The following LRRC52 variants were observed in gnomAD, a reference collection of about 807,000 sequenced individuals.
The protein encoded by LRRC52 is leucine rich repeat containing 52, also known as leucine-rich repeat-containing protein 52.
A neutral mutation model predicts 14.7 loss-of-function variants in LRRC52; 15 were observed. The ratio of observed to expected loss-of-function variants is 1.02; its 90% CI spans 0.68 to 1.58. The LOEUF (loss-of-function observed/expected upper bound fraction) is 1.58. Ranked by LOEUF, LRRC52 falls within the 40% of genes most tolerant of loss-of-function variation. The probability of loss-of-function intolerance (pLI) is 0.00; values close to 1 mark genes in which losing one functional copy is unlikely to be tolerated. For missense variants in LRRC52, 400 were observed against 387.7 expected (o/e 1.03, Z -0.27); for synonymous variants, 180 against 163.9 (o/e 1.10, Z -0.75).
In LRRC52 at chr1:165,562,399, C is replaced by G. The variant is rs186582497; in HGVS notation, c.623-1106C>G. 1.0e-3 allele frequency among the ~76,000 whole-genome samples: 159 copies of G among 152,170 alleles called. 1 individual carries two copies. The highest frequency in any genetic ancestry group is 1.2e-3 in the Non-Finnish European group (79 of 68,016). ...TGTGTGCTGGATACATTCACCTGAG[C>G]ACATCACACAAGCACTCAGCCTCAG... On this transcript the variant is annotated intron_variant, in intron 1 of 1. Coordinates refer to ENST00000294818, the MANE Select transcript of LRRC52 (RefSeq NM_001005214.4).
chr1:165,546,112 C>G (rs1312106247), intron 1 of LRRC52, among the ~76,000 whole-genome samples: 1 of 152,084 alleles, frequency 6.6e-6, no homozygotes, highest in Non-Finnish European at 1.5e-5. Flanking sequence ...ACGTGCCCTC[C>G]TGGCTTCCCA....
intron 1 of LRRC52, among the ~76,000 whole-genome samples, chr1:165,554,397 T>A (rs904996661): frequency 3.3e-5 from 5 of 151,646 alleles, no homozygotes; most frequent in African/African-American, 1.2e-4. Context: ...ACACCTAATC[T>A]GCTGCATGAC....
Position 165,544,332 on chromosome 1 carries a change from A to T in LRRC52, c.36A>T (p.Leu12Phe). 1.9e-6 allele frequency: 3 copies of T among 1,610,786 alleles called. No homozygotes were observed. The highest frequency in any genetic ancestry group is 2.5e-6 in the Non-Finnish European group (3 of 1,179,200). The change falls in exon 1 of 2, where the codon TTA becomes TTT. Residue 12 changes from leucine to phenylalanine, a missense_variant. Coordinates refer to ENST00000294818, the MANE Select transcript of LRRC52 (RefSeq NM_001005214.4). ...CTTCAGGCCCTGGCCCTGGGTGGTT[A>T]CTCTTTTCCTTTGGAATGGGGCTGG... is the stretch of plus-strand genomic sequence containing the variant. Reference protein sequence around the residue: ...SLASGPGPGWLLFSFGMGLVS... With the variant: ...SLASGPGPGWFLFSFGMGLVS...
intron 1 of LRRC52, among the ~76,000 whole-genome samples, chr1:165,561,676 T>C (rs722259): frequency 0.48 from 72,898 of 152,198 alleles, 20,608 homozygotes; most frequent in East Asian, 0.71. Context: ...TCCCTTCCTC[T>C]GTAATCATTA....
Position 165,563,574 on chromosome 1 carries a change from C to T in LRRC52, c.692C>T (p.Pro231Leu). 2 of 1,614,218 alleles carry T rather than the reference C, an allele frequency of 1.2e-6. No individual in the cohort carries two copies. Among genetic ancestry groups the T allele is most frequent in the Non-Finnish European group, 1.7e-6 (2 of 1,180,034 alleles). The change falls in exon 2 of 2, where the codon CCA becomes CTA. Residue 231 changes from proline (P) to leucine (L), a missense_variant. Transcript: ENST00000294818. ...TGGCCCATCACCCGGGTGGGGAACCCACTCCGATACATGTGCATCACGCAC... is the reference window on the plus strand; with the variant it reads ...TGGCCCATCACCCGGGTGGGGAACCTACTCCGATACATGTGCATCACGCAC... ...TGWPITRVGNPLRYMCITHLD... is the reference protein window; with the variant it reads ...TGWPITRVGNLLRYMCITHLD...
intron 1 of LRRC52, among the ~76,000 whole-genome samples, chr1:165,547,756 T>C (rs571000822): frequency 2.2e-4 from 34 of 152,314 alleles, no homozygotes; most frequent in Middle Eastern, 3.4e-3. Context: ...CATCCACATA[T>C]TACATACACA....
At chr1:165,557,995 A>G (rs1661272509) in intron 1 of LRRC52, among the ~76,000 whole-genome samples, 1 of 152,204 alleles carries the variant, frequency 6.6e-6, no homozygotes, top group Non-Finnish European at 1.5e-5. Flanking sequence ...CCTGGGCAGA[A>G]CTGGGGTCCC....
chr1:165,563,389 C>G (rs1052160177), intron 1 of LRRC52, 116 bp from the exon 2 acceptor site: 2 of 879,948 alleles, frequency 2.3e-6, no homozygotes, highest in African/African-American at 3.4e-5. Context: ...GCTGCTGGCC[C>G]ACAGACCACA....
At chr1:165,563,381 T>C (rs1287628284) in intron 1 of LRRC52, 124 bp from the exon 2 acceptor site, 2 of 785,762 alleles carry the variant, frequency 2.5e-6, no homozygotes, top group African/African-American at 3.5e-5. Flanking sequence ...ATGTCGATGC[T>C]GCTGGCCCAC....
Position 165,563,613 on chromosome 1 carries a change from A to T in LRRC52, c.731A>T (p.Asp244Val). Residue 244 changes from aspartate (D) to valine (V), a missense_variant, in exon 2 of 2, where the codon GAC becomes GTC. Asp to Val is a radical substitution (Grantham distance 152). Coordinates refer to ENST00000294818, the MANE Select transcript of LRRC52 (RefSeq NM_001005214.4). ...YMCITHLDHKDYIFLLLIGFC... is the reference protein window; with the variant it reads ...YMCITHLDHKVYIFLLLIGFC... Reference sequence around the variant, plus strand: ...TGCATCACGCACCTGGACCACAAAGACTACATCTTCCTGCTGCTCATCGGC... The same window carrying T: ...TGCATCACGCACCTGGACCACAAAGTCTACATCTTCCTGCTGCTCATCGGC... 1 of 1,614,172 alleles carries T rather than the reference A, an allele frequency of 6.2e-7. No individual in the cohort carries two copies. The highest frequency in any genetic ancestry group is 2.2e-5 in the East Asian group (1 of 44,878).
chr1:165,563,887 C>T lies in LRRC52; in HGVS notation c.*63C>T. On this transcript the variant is annotated 3_prime_UTR_variant, in exon 2 of 2. Coordinates refer to ENST00000294818, the MANE Select transcript of LRRC52 (RefSeq NM_001005214.4). The stretch of plus-strand genomic sequence containing the variant: ...TCCCTGCTTTCTCTCTTGCCCTCCC[C>T]ATCCCACCACCTTGGAGCTGTCATA... 1.3e-6 allele frequency: 2 copies of T among 1,492,252 alleles called. No individual in the cohort carries two copies. Among genetic ancestry groups the T allele is most frequent in the South Asian group, 2.5e-5 (2 of 80,750 alleles). 92.4% of individuals were successfully genotyped at this position (1,492,252 alleles called of 1,614,324 possible).
chr1:165,551,979 GAAAAAAA>G (rs148299176), intron 1 of LRRC52, among the ~76,000 whole-genome samples: 2 of 120,354 alleles, frequency 1.7e-5, no homozygotes, highest in Admixed American at 8.2e-5. Flanking sequence ...GGCTAAAAAA[GAAAAAAA>G]AAAAAAAAAG....
At chr1:165,556,924 A>G (rs894960977) in intron 1 of LRRC52, among the ~76,000 whole-genome samples, 1 of 152,178 alleles carries the variant, frequency 6.6e-6, no homozygotes, top group Non-Finnish European at 1.5e-5. Context: ...AGAATATATA[A>G]TAGTGATCCC....
At chr1:165,561,238 G>A (rs1661334718) in intron 1 of LRRC52, among the ~76,000 whole-genome samples, 1 of 152,192 alleles carries the variant, frequency 6.6e-6, no homozygotes, top group Non-Finnish European at 1.5e-5. Context: ...CGTGTGTGAT[G>A]TTTAGTCTCA....
intron 1 of LRRC52, among the ~76,000 whole-genome samples, chr1:165,560,116 TAC>T (rs1185468319): frequency 6.6e-6 from 1 of 152,236 alleles, no homozygotes; most frequent in African/African-American, 2.4e-5. Flanking sequence ...ACAAACTCCA[TAC>T]AGACAGTGGC....
In LRRC52 at chr1:165,544,832, T is replaced by TGTTTCTGAGTGGAAACCCC. The variant is rs746766472; in HGVS notation, c.537_555dup (p.Trp186ValfsTer30). ...TACCACCTCACTACTCTGGAGACCC[T>TGTTTCTGAGTGGAAACCCC]GTTTCTGAGTGGAAACCCCTGGAAG... On this transcript the variant is annotated frameshift_variant, in exon 1 of 2. Coordinates refer to ENST00000294818, the MANE Select transcript of LRRC52 (RefSeq NM_001005214.4). LOFTEE classifies it high-confidence loss of function. 9.0e-5 allele frequency: 146 copies of TGTTTCTGAGTGGAAACCCC among 1,614,126 alleles called. No homozygotes were observed. The highest frequency in any genetic ancestry group is 1.2e-4 in the Non-Finnish European group (140 of 1,180,020).
intron 1 of LRRC52, among the ~76,000 whole-genome samples, chr1:165,561,865 C>T (rs1418030908): frequency 6.6e-6 from 1 of 152,248 alleles, no homozygotes; most frequent in Non-Finnish European, 1.5e-5. Context: ...AAGAGGACTG[C>T]TCTTTCCAGC....
intron 1 of LRRC52, among the ~76,000 whole-genome samples, chr1:165,562,560 C>G (rs779941668): frequency 2.0e-5 from 3 of 152,222 alleles, no homozygotes; most frequent in Non-Finnish European, 4.4e-5. Flanking sequence ...AAGTGTCATT[C>G]TTTGCACTGG....
At chr1:165,554,426 G>GGTTGTTGTTGTTGTT (rs140256565) in intron 1 of LRRC52, among the ~76,000 whole-genome samples, 1,874 of 150,572 alleles carry the variant, frequency 0.012, 18 homozygotes, top group African/African-American at 0.03. Context: ...AATGATAGGT[G>GGTTGTTGTTGTTGTT]GTTGTTGTTG....
Sources: allele counts gnomAD v4.1 joint callset (sites outside exome capture counted in the v4.1 genomes callset), GRCh38; gene constraint gnomAD v4.1.1; transcripts MANE v1.5; gene names NCBI Gene and HGNC (gene_info 2026-07-23, HGNC 2026-07-21).